The following DCLK1 variants were observed in gnomAD, a reference collection of about 807,000 sequenced individuals.
The protein encoded by DCLK1 is doublecortin like kinase 1.
Under a neutral mutation model 86.2 loss-of-function variants are expected in DCLK1, and 16 were observed. The ratio of observed to expected loss-of-function variants is 0.19; its 90% confidence interval spans 0.13 to 0.28. The LOEUF (loss-of-function observed/expected upper bound fraction) is 0.28, where lower values mean the gene tolerates loss of function less well. Ranked by LOEUF, DCLK1 falls within the 10% of genes least tolerant of loss-of-function variation. DCLK1 has a pLI of 1.00. For missense variants in DCLK1, 590 were observed against 940.2 expected (o/e 0.63, Z 4.87); for synonymous variants, 369 against 370.5 (o/e 1.00, Z 0.05).
chr13:35,854,514 G>C lies in DCLK1; in HGVS notation c.1020C>G (p.Ser340Arg). 1.2e-6 allele frequency: 2 copies of C among 1,600,308 alleles called. No homozygotes were observed. The highest frequency in any genetic ancestry group is 1.7e-6 in the Non-Finnish European group (2 of 1,172,414). Residue 340 changes from serine (S) to arginine (R), a missense_variant, in exon 6 of 17, where the codon AGC becomes AGG. Coordinates refer to ENST00000360631, the MANE Select transcript of DCLK1 (RefSeq NM_001330071.2). The stretch of plus-strand genomic sequence containing the variant: ...ATTTCCTTACCCTCTGCTTCCGCAG[G>C]CTTCCTGGGCTGGTGGGTGATGGGC... ...SPSPSPTSPG[S>R]LRKQRSSQHG...
At chr13:36,097,397 A>ATT (rs1303116567) in intron 3 of DCLK1, among the ~76,000 whole-genome samples, 1 of 152,170 alleles carries the variant, frequency 6.6e-6, no homozygotes, top group Non-Finnish European at 1.5e-5. Flanking sequence ...AGCTGTAATC[A>ATT]TTTTTTATTT....
chr13:35,823,734 A>G (rs2153105188), intron 10 of DCLK1, among the ~76,000 whole-genome samples: 1 of 152,308 alleles, frequency 6.6e-6, no homozygotes, highest in East Asian at 1.9e-4. Flanking sequence ...CCAAACCGCT[A>G]TGCACAGTAA....
intron 4 of DCLK1, among the ~76,000 whole-genome samples, chr13:35,895,012 T>A (rs1226842574): frequency 6.6e-6 from 1 of 152,178 alleles, no homozygotes; most frequent in African/African-American, 2.4e-5. Flanking sequence ...AGTTGTGTGA[T>A]CATGGCTCAC....
chr13:35,977,025 A>C (rs1323315413), intron 3 of DCLK1, among the ~76,000 whole-genome samples: 6 of 152,234 alleles, frequency 3.9e-5, no homozygotes, highest in African/African-American at 1.4e-4. Context: ...AAGGAATTAA[A>C]TCAGAAATAA....
chr13:35,881,150 G>T (rs1872873831), intron 4 of DCLK1, among the ~76,000 whole-genome samples: 1 of 152,172 alleles, frequency 6.6e-6, no homozygotes, highest in Non-Finnish European at 1.5e-5. Context: ...CACACTCTAA[G>T]TCAGACTTGC....
chr13:35,836,402 C>T (rs560410451), intron 7 of DCLK1, among the ~76,000 whole-genome samples: 18 of 152,222 alleles, frequency 1.2e-4, no homozygotes, highest in Middle Eastern at 3.4e-3. Flanking sequence ...TTTCTGATGC[C>T]GTAGGGATTC....
intron 2 of DCLK1, among the ~76,000 whole-genome samples, chr13:36,121,117 T>C (rs1885973007): frequency 6.6e-6 from 1 of 152,150 alleles, no homozygotes; most frequent in Non-Finnish European, 1.5e-5. Context: ...CCTAAAAGCA[T>C]ATTGATAAAA....
chr13:36,098,157 T>C (rs1047945734), intron 3 of DCLK1, among the ~76,000 whole-genome samples: 3 of 152,216 alleles, frequency 2.0e-5, no homozygotes, highest in Admixed American at 6.5e-5. Context: ...GGATTCAACA[T>C]ACAAGATGAT....
At chr13:36,079,620 G>A (rs201030729) in intron 3 of DCLK1, among the ~76,000 whole-genome samples, 10 of 152,072 alleles carry the variant, frequency 6.6e-5, no homozygotes, top group Non-Finnish European at 1.0e-4. Flanking sequence ...GGACAAAAGC[G>A]AGACTCCATC....
chr13:35,842,568 T>C (rs76111767), intron 6 of DCLK1, among the ~76,000 whole-genome samples: 2,611 of 152,232 alleles, frequency 0.017, 30 homozygotes, highest in South Asian at 0.03. Flanking sequence ...GTGCTCTGAC[T>C]AGCACAAAGC....
At chr13:35,874,380 G>A (rs1205646124) in intron 4 of DCLK1, among the ~76,000 whole-genome samples, 1 of 152,138 alleles carries the variant, frequency 6.6e-6, no homozygotes, top group Non-Finnish European at 1.5e-5. Flanking sequence ...AGGAGAGTGT[G>A]TCCTAGAGAG....
At chr13:35,789,850 G>C (rs953228974) in intron 16 of DCLK1, among the ~76,000 whole-genome samples, 1 of 151,646 alleles carries the variant, frequency 6.6e-6, no homozygotes, top group Non-Finnish European at 1.5e-5. Context: ...TCTATAAATT[G>C]CATTTTAATA....
intron 3 of DCLK1, among the ~76,000 whole-genome samples, chr13:36,089,459 T>C (rs1884738591): frequency 6.6e-6 from 1 of 152,220 alleles, no homozygotes; most frequent in Non-Finnish European, 1.5e-5. Context: ...GTTTCTTTCC[T>C]GTGCAGCACT....
intron 6 of DCLK1, chr13:35,848,823 A>G: frequency 3.0e-6 from 3 of 985,272 alleles, no homozygotes; most frequent in Non-Finnish European, 3.6e-6. Flanking sequence ...TCTTTTATGG[A>G]CCCAACTGTA....
intron 3 of DCLK1, among the ~76,000 whole-genome samples, chr13:36,038,721 G>A (rs1392993902): frequency 1.3e-5 from 2 of 152,184 alleles, no homozygotes; most frequent in African/African-American, 4.8e-5. Flanking sequence ...TTTACTAAGC[G>A]CTATGACAAG....
At chr13:36,131,932 A>G (rs1242747425), upstream of DCLK1, among the ~76,000 whole-genome samples, 1 of 152,188 alleles carries the variant, frequency 6.6e-6, no homozygotes, top group African/African-American at 2.4e-5. Context: ...GAAGAGCTGG[A>G]TCTGTTCATG....
chr13:35,992,896 T>C (rs1488962021), intron 3 of DCLK1, among the ~76,000 whole-genome samples: 2 of 152,164 alleles, frequency 1.3e-5, no homozygotes, highest in Non-Finnish European at 2.9e-5. Context: ...TGCACTGATA[T>C]ACTACTCCCC....
At chr13:35,979,720 G>C (rs1230690855) in intron 3 of DCLK1, among the ~76,000 whole-genome samples, 1 of 152,198 alleles carries the variant, frequency 6.6e-6, no homozygotes, top group African/African-American at 2.4e-5. Context: ...AATCTTAACA[G>C]CTGGAGAGCA....
chr13:35,850,230 T>C, intron 6 of DCLK1: 1 of 984,036 alleles, frequency 1.0e-6, no homozygotes. Flanking sequence ...AAAGTACCTC[T>C]AAAAACCAAG....
Sources: allele counts gnomAD v4.1 joint callset (sites outside exome capture counted in the v4.1 genomes callset), GRCh38; gene constraint gnomAD v4.1.1; transcripts MANE v1.5; gene names NCBI Gene and HGNC (gene_info 2026-07-23, HGNC 2026-07-21).